BNC2: variants seen among roughly 807,000 people sequenced by gnomAD.
The protein encoded by BNC2 is zinc finger protein basonuclin-2.
BNC2 carries 20 observed loss-of-function variants against 76.3 expected under a neutral mutation model. The observed-to-expected ratio is 0.26, with a 90% CI of 0.18 to 0.38. The LOEUF (loss-of-function observed/expected upper bound fraction) is 0.38. Among genes scored for constraint, BNC2 ranks in the 10% least tolerant of loss-of-function variants. The pLI, the probability that BNC2 is intolerant of heterozygous loss-of-function variation, is 1.00. For synonymous variants in BNC2, 582 were observed against 514.8 expected (o/e 1.13, Z -1.77); for missense variants, 1,382 against 1,399.8 (o/e 0.99, Z 0.20).
At chr9:16,623,204 A>T (rs1820910287) in intron 3 of BNC2, among the ~76,000 whole-genome samples, 1 of 152,208 alleles carries the variant, frequency 6.6e-6, no homozygotes, top group African/African-American at 2.4e-5. Flanking sequence ...GTATTCCAGT[A>T]AACGAGACAC....
intron 4 of BNC2, among the ~76,000 whole-genome samples, chr9:16,558,141 C>T (rs1205237306): frequency 2.0e-5 from 3 of 152,222 alleles, no homozygotes; most frequent in Non-Finnish European, 4.4e-5. Flanking sequence ...AGCCACCATA[C>T]TCAGACAATA....
At chr9:16,525,020 C>T (rs529235238) in intron 5 of BNC2, among the ~76,000 whole-genome samples, 1 of 145,002 alleles carries the variant, frequency 6.9e-6, no homozygotes, top group South Asian at 2.3e-4. Flanking sequence ...CTGCAGTGAG[C>T]TGTGATAGCG....
At chr9:16,506,078 G>C (rs1021369997) in intron 5 of BNC2, among the ~76,000 whole-genome samples, 3 of 152,056 alleles carry the variant, frequency 2.0e-5, no homozygotes, top group African/African-American at 7.2e-5. Context: ...ACAGACACTG[G>C]GCCATGAAAG....
intron 5 of BNC2, among the ~76,000 whole-genome samples, chr9:16,515,068 T>C (rs182672663): frequency 1.9e-3 from 285 of 152,308 alleles, no homozygotes; most frequent in African/African-American, 6.3e-3. Context: ...ATCAGTACTG[T>C]TGGCTATTTA....
At chr9:16,632,446 G>A (rs958351132) in intron 3 of BNC2, among the ~76,000 whole-genome samples, 8 of 151,848 alleles carry the variant, frequency 5.3e-5, no homozygotes, top group African/African-American at 1.9e-4. Context: ...AAAAATCTGT[G>A]TATGTAAAAG....
At chr9:16,621,025 T>A (rs554321847) in intron 3 of BNC2, among the ~76,000 whole-genome samples, 21 of 152,148 alleles carry the variant, frequency 1.4e-4, no homozygotes, top group Non-Finnish European at 2.6e-4. Flanking sequence ...ATAAAGCTCT[T>A]CCAGAAAACT....
chr9:16,425,039 G>A (rs943666112), intron 6 of BNC2, among the ~76,000 whole-genome samples: 1 of 152,154 alleles, frequency 6.6e-6, no homozygotes, highest in Non-Finnish European at 1.5e-5. Flanking sequence ...AAAATTCAAT[G>A]TGAAATTCTA....
intron 5 of BNC2, among the ~76,000 whole-genome samples, chr9:16,469,992 C>CTTTTTTTTT (rs201134930): frequency 5.2e-5 from 6 of 114,990 alleles, no homozygotes; most frequent in Admixed American, 9.3e-5. Context: ...TAATGGCATT[C>CTTTTTTTTT]TTTTTTTTTT....
intron 3 of BNC2, among the ~76,000 whole-genome samples, chr9:16,678,592 C>T (rs760983314): frequency 6.6e-6 from 1 of 151,682 alleles, no homozygotes; most frequent in African/African-American, 2.4e-5. Context: ...AGAGGTATTA[C>T]CTACCTCTCC....
At chr9:16,760,474 G>C (rs137886380) in intron 1 of BNC2, among the ~76,000 whole-genome samples, 2,402 of 152,236 alleles carry the variant, frequency 0.016, 20 homozygotes, top group Middle Eastern at 0.037. Context: ...CTGGGAGGAG[G>C]TTGGATAAAA....
At chr9:16,471,350 G>A (rs1271865627) in intron 5 of BNC2, among the ~76,000 whole-genome samples, 7 of 149,332 alleles carry the variant, frequency 4.7e-5, no homozygotes, top group Admixed American at 4.0e-4. Flanking sequence ...CTGGAGTGCA[G>A]TGGCACGATC....
rs116122893 is a variant in BNC2, at chr9:16,481,526, C to A, written c.670-44002G>T. 7.0e-3 allele frequency among the ~76,000 whole-genome samples: 1,060 copies of A among 152,268 alleles called. 15 individuals carry two copies. Among genetic ancestry groups the A allele is most frequent in the African/African-American group, 0.024 (1,002 of 41,532 alleles). ...TCCGAACATCAGAAAGAACTCCAGA[C>A]ACGCCACCTTAAGAGCTGTAACATT... On this transcript the variant is annotated intron_variant, in intron 5 of 6. Coordinates refer to ENST00000380672, the MANE Select transcript of BNC2 (RefSeq NM_017637.6).
At chr9:16,564,559 A>G (rs1006551573) in intron 4 of BNC2, among the ~76,000 whole-genome samples, 18 of 152,164 alleles carry the variant, frequency 1.2e-4, no homozygotes, top group Non-Finnish European at 2.2e-4. Flanking sequence ...CTATTCCTAC[A>G]CTATGCAGAT....
In BNC2 at chr9:16,431,382, TG is replaced by T. The variant is rs200830101; in HGVS notation, c.2639+4172del. 7.4e-4 allele frequency: 329 copies of T among 445,014 alleles called. 4 individuals are homozygous for T. In the East Asian group the frequency reaches 0.016, roughly 22 times the overall value. 27.6% of individuals were successfully genotyped at this position (445,014 alleles called of 1,614,324 possible). ...AATCAAGTCAGAGTATGAGAAATGA[TG>T]AAAGGTAAATTACACCCACCAGCTA... On this transcript the variant is annotated intron_variant, in intron 6 of 6. Coordinates refer to ENST00000380672, the MANE Select transcript of BNC2 (RefSeq NM_017637.6).
intron 5 of BNC2, among the ~76,000 whole-genome samples, chr9:16,494,790 T>A (rs892829077): frequency 6.6e-6 from 1 of 151,652 alleles, no homozygotes; most frequent in Non-Finnish European, 1.5e-5. Context: ...TGAGAACACA[T>A]GGACACAGGG....
At chr9:16,671,790 A>G (rs931329480) in intron 3 of BNC2, among the ~76,000 whole-genome samples, 20 of 152,148 alleles carry the variant, frequency 1.3e-4, no homozygotes, top group Non-Finnish European at 2.6e-4. Flanking sequence ...TGGTTTTAAC[A>G]CTGGTTTGAC....
At chr9:16,779,993 T>C (rs980224447) in intron 1 of BNC2, among the ~76,000 whole-genome samples, 1 of 149,844 alleles carries the variant, frequency 6.7e-6, no homozygotes, top group African/African-American at 2.5e-5. Flanking sequence ...TCCCAGCACT[T>C]TGGGAGGCCG....
chr9:16,614,186 C>T (rs1328486868), intron 3 of BNC2, among the ~76,000 whole-genome samples: 2 of 152,126 alleles, frequency 1.3e-5, no homozygotes, highest in Non-Finnish European at 2.9e-5. Flanking sequence ...ACAAAAGCAA[C>T]AGACGTAGGG....
At chr9:16,761,790 T>C (rs1258643178) in intron 1 of BNC2, among the ~76,000 whole-genome samples, 1 of 152,186 alleles carries the variant, frequency 6.6e-6, no homozygotes, top group Non-Finnish European at 1.5e-5. Context: ...TTTCAGACCA[T>C]GACACTCAAC....
Sources: allele counts gnomAD v4.1 joint callset (sites outside exome capture counted in the v4.1 genomes callset), GRCh38; gene constraint gnomAD v4.1.1; transcripts MANE v1.5; gene names NCBI Gene and HGNC (gene_info 2026-07-23, HGNC 2026-07-21).